ADGRV1: variants seen among roughly 807,000 people sequenced by gnomAD.
ADGRV1 encodes G-protein coupled receptor 98.
A neutral mutation model predicts 596.2 loss-of-function variants in ADGRV1; 359 were observed. The observed-to-expected ratio is 0.60, with a 90% CI of 0.55 to 0.66. ADGRV1 has a LOEUF of 0.66. ADGRV1 is among the 30% of genes least tolerant of loss of function. ADGRV1 has a pLI of 0.00. For synonymous variants in ADGRV1, 2,681 were observed against 2,679.2 expected (o/e 1.00, Z -0.02); for missense variants, 7,274 against 7,575.6 (o/e 0.96, Z 1.48).
chr5:90,912,597 C>T (rs748924221), intron 83 of ADGRV1, among the ~76,000 whole-genome samples: 4 of 152,008 alleles, frequency 2.6e-5, no homozygotes, highest in Non-Finnish European at 4.4e-5. Context: ...TCCATGAGTA[C>T]CTAATGTTTA....
rs757586481 is a variant in ADGRV1, at chr5:90,863,762, T to C, written c.17761T>C (p.Cys5921Arg). ...GGACTTTTTTGTTCCTACAGGTCTT[T>C]GCTTGGCTGTTCTTTCCCATATCTT... ...TSGFICISGLCLAVLSHIFCA... is the reference protein window; with the variant it reads ...TSGFICISGLRLAVLSHIFCA... Residue 5921 changes from cysteine to arginine, a missense_variant, in exon 83 of 90, where the codon TGC becomes CGC. Physicochemically the swap from Cys to Arg is radical, Grantham distance 180 (BLOSUM62 -3). Around this residue, in one of 5 missense-constraint regions of ADGRV1, gnomAD observed 1,874 missense variants for 1,970.2 expected, o/e 0.95. Transcript: ENST00000405460. The C allele has an allele frequency of 3.7e-6, 6 of 1,612,408 alleles. No homozygotes were observed. The highest frequency in any genetic ancestry group is 5.1e-6 in the Non-Finnish European group (6 of 1,178,540).
chr5:91,157,015 G>C (rs1257365829), intron 89 of ADGRV1, among the ~76,000 whole-genome samples: 1 of 152,226 alleles, frequency 6.6e-6, no homozygotes, highest in Admixed American at 6.5e-5. Flanking sequence ...GCACAGCGCT[G>C]CTTGCTTGGA....
intron 31 of ADGRV1, among the ~76,000 whole-genome samples, chr5:90,691,389 T>C (rs1353898671): frequency 6.7e-6 from 1 of 149,006 alleles, no homozygotes; most frequent in Non-Finnish European, 1.5e-5. Flanking sequence ...TTTTTCTTTT[T>C]TTTTTTTTTT....
intron 87 of ADGRV1, among the ~76,000 whole-genome samples, chr5:91,125,810 G>A (rs73771183): frequency 0.046 from 6,954 of 152,164 alleles, 228 homozygotes; most frequent in East Asian, 0.091. Flanking sequence ...ACTATTTTGA[G>A]GTATATCAGA....
chr5:90,664,972 C>T (rs1000372479), intron 21 of ADGRV1, among the ~76,000 whole-genome samples: 4 of 151,980 alleles, frequency 2.6e-5, no homozygotes, highest in African/African-American at 9.7e-5. Context: ...CCCACTTGAT[C>T]ATGGTAGATA....
At chr5:90,627,853 C>A (rs74704844) in intron 7 of ADGRV1, 77 bp downstream of exon 7, 2 of 849,110 alleles carry the variant, frequency 2.4e-6, no homozygotes, top group Non-Finnish European at 3.5e-6. Flanking sequence ...GTGTTGGACA[C>A]AACAATGAAC....
At chr5:91,160,508 A>G (rs1305297284) in intron 89 of ADGRV1, among the ~76,000 whole-genome samples, 1 of 152,220 alleles carries the variant, frequency 6.6e-6, no homozygotes, top group Non-Finnish European at 1.5e-5. Context: ...TAACCAAAGT[A>G]TATTAAAATG....
At chr5:90,634,696 G>A (rs1414650594) in intron 9 of ADGRV1, among the ~76,000 whole-genome samples, 1 of 152,130 alleles carries the variant, frequency 6.6e-6, no homozygotes, top group Non-Finnish European at 1.5e-5. Flanking sequence ...AAAAGCAGGT[G>A]GTGGCACTGC....
chr5:90,807,612 AT>A lies in ADGRV1; in HGVS notation c.14851del (p.Ser4951ProfsTer65). The A allele has an allele frequency of 1.2e-6, 2 of 1,611,392 alleles. No individual in the cohort carries two copies. Among genetic ancestry groups the A allele is most frequent in the Non-Finnish European group, 8.5e-7 (1 of 1,178,350 alleles). ...CATGTTTTCTTTCAGGGAGCCTTTC[AT>A]TTTCCCACGGTGAACAAAGGAAAGG... The part of the protein sequence containing the change: ...NMTPTLGSLS[F>X]SHGEQRKGVF... On this transcript the variant is annotated frameshift_variant, in exon 73 of 90. Transcript: ENST00000405460. LOFTEE classifies it high-confidence loss of function.
intron 85 of ADGRV1, among the ~76,000 whole-genome samples, chr5:91,022,258 A>G (rs1485020662): frequency 6.6e-6 from 1 of 152,084 alleles, no homozygotes; most frequent in Non-Finnish European, 1.5e-5. Context: ...TCTAGAATCT[A>G]TGATGACAGA....
At chr5:90,816,607 T>G (rs1026737090) in intron 75 of ADGRV1, among the ~76,000 whole-genome samples, 18 of 138,642 alleles carry the variant, frequency 1.3e-4, no homozygotes, top group African/African-American at 3.0e-4. Flanking sequence ...TTCCCCTTCC[T>G]GTGTCCATGT....
At chr5:90,765,401 T>A (rs568343045) in intron 59 of ADGRV1, among the ~76,000 whole-genome samples, 2 of 151,224 alleles carry the variant, frequency 1.3e-5, no homozygotes, top group African/African-American at 4.9e-5. Context: ...TGGAAATCCA[T>A]ATGCATGATG....
chr5:90,745,828 CA>C (rs771825081), intron 52 of ADGRV1, 33 bp downstream of exon 52: 15 of 1,204,554 alleles, frequency 1.2e-5, no homozygotes, highest in Non-Finnish European at 1.8e-5. Context: ...ACTTGCAATG[CA>C]AAATGTTTTA....
chr5:90,780,906 T>C (rs1010348679), intron 64 of ADGRV1, among the ~76,000 whole-genome samples: 12 of 152,174 alleles, frequency 7.9e-5, no homozygotes, highest in Non-Finnish European at 1.5e-4. Flanking sequence ...AAGGTCTCAC[T>C]CACTATGTTG....
chr5:90,977,289 T>C (rs1478932194), intron 84 of ADGRV1, among the ~76,000 whole-genome samples: 1 of 152,200 alleles, frequency 6.6e-6, no homozygotes, highest in Admixed American at 6.5e-5. Flanking sequence ...GGACGAGGGA[T>C]AACATTTCTT....
intron 27 of ADGRV1, among the ~76,000 whole-genome samples, chr5:90,683,218 A>AT (rs1277524713): frequency 7.1e-6 from 1 of 140,428 alleles, no homozygotes; most frequent in East Asian, 2.3e-4. Flanking sequence ...TGTTTTATTT[A>AT]TTTTTTTTAA....
chr5:91,107,895 C>T (rs957657996), intron 87 of ADGRV1, among the ~76,000 whole-genome samples: 1 of 152,132 alleles, frequency 6.6e-6, no homozygotes, highest in Non-Finnish European at 1.5e-5. Context: ...AGGACTGTGA[C>T]ACATAATAGT....
chr5:90,806,999 C>T (rs544793998), intron 72 of ADGRV1, among the ~76,000 whole-genome samples: 207 of 151,966 alleles, frequency 1.4e-3, no homozygotes, highest in South Asian at 2.7e-3. Flanking sequence ...ATTATAGGCT[C>T]GCACCACCAT....
intron 84 of ADGRV1, among the ~76,000 whole-genome samples, chr5:90,984,457 A>C (rs1039565148): frequency 6.6e-6 from 1 of 152,128 alleles, no homozygotes; most frequent in African/African-American, 2.4e-5. Flanking sequence ...TATAGGCCTC[A>C]GTTTTCTTAC....
Sources: allele counts gnomAD v4.1 joint callset (sites outside exome capture counted in the v4.1 genomes callset), GRCh38; gene constraint gnomAD v4.1.1; regional missense constraint gnomAD v4.1.1; transcripts MANE v1.5; gene names NCBI Gene and HGNC (gene_info 2026-07-23, HGNC 2026-07-21).